Variants in ZFP91 observed in about 807,000 individuals in gnomAD.
ZFP91 encodes ZFP91 zinc finger protein, atypical E3 ubiquitin ligase.
In ZFP91, 7 loss-of-function variants were observed where a neutral mutation model predicts 63.5. The observed-to-expected ratio is 0.11, with a 90% CI of 0.06 to 0.21. The LOEUF is 0.21. Among genes scored for constraint, ZFP91 ranks in the 10% least tolerant of loss-of-function variants. The pLI is 1.00. For missense variants in ZFP91, 628 were observed against 736.6 expected, an observed-to-expected ratio of 0.85 and a Z score of 1.71; for synonymous variants, 330 against 272.1, an observed-to-expected ratio of 1.21 and a Z score of -2.10.
chr11:58,612,718 A>AC, intron 7 of ZFP91, 44 bp from the exon 8 acceptor site: 1 of 900,022 alleles, frequency 1.1e-6, no homozygotes, highest in South Asian at 1.5e-5. Context: ...GCAGAGTACC[A>AC]CTTTTTTTTT....
In ZFP91 at chr11:58,617,859, C is replaced by A; in HGVS notation, c.*153C>A. 1 of 972,834 alleles carries A rather than the reference C, an allele frequency of 1.0e-6. No homozygotes were observed. The allele number at this position is 972,834 out of a possible 1,614,324, so 60.3% of individuals were successfully genotyped here. A position where few individuals can be genotyped will look rare whatever the true frequency, so the allele number is the denominator to read the frequency against. ...ATCACAGCACACACATACATACACC[C>A]TCCACCTCCCCATCCCCTGTTCTCC... On this transcript the variant is annotated 3_prime_UTR_variant, in exon 11 of 11. Transcript: ENST00000316059. The surrounding 1 kb of genome is among the most constrained non-coding windows in gnomAD (Gnocchi z 4.2).
chr11:58,596,167 A>G (rs918233483), intron 2 of ZFP91, among the ~76,000 whole-genome samples: 1 of 152,218 alleles, frequency 6.6e-6, no homozygotes, highest in African/African-American at 2.4e-5. Context: ...TAAAAAAACC[A>G]TAAGGAAGAG....
chr11:58,592,816 GAA>G (rs1184934405), intron 2 of ZFP91, among the ~76,000 whole-genome samples: 2 of 152,122 alleles, frequency 1.3e-5, no homozygotes, highest in African/African-American at 2.4e-5. Flanking sequence ...GATTTGTAAA[GAA>G]AAGAGTTTTT....
intron 8 of ZFP91, 64 bp from the exon 9 acceptor site, chr11:58,614,165 A>G (rs768382265): frequency 4.4e-5 from 46 of 1,055,492 alleles, no homozygotes; most frequent in Non-Finnish European, 5.8e-5. Context: ...GACTTAGCAA[A>G]GACAAGTACT....
intron 2 of ZFP91, among the ~76,000 whole-genome samples, chr11:58,595,066 T>C (rs1855373866): frequency 6.6e-6 from 1 of 152,184 alleles, no homozygotes; most frequent in Non-Finnish European, 1.5e-5. Context: ...AGGTGTGGTA[T>C]AGTAGAAAGA....
intron 1 of ZFP91, 127 bp from the exon 2 acceptor site, chr11:58,584,729 A>G (rs969914415): frequency 1.2e-6 from 1 of 826,736 alleles, no homozygotes; most frequent in African/African-American, 1.8e-5. Context: ...CACTGCTGAA[A>G]ATTCTGTAGG....
chr11:58,585,769 G>T (rs1358498290), intron 2 of ZFP91, among the ~76,000 whole-genome samples: 1 of 152,240 alleles, frequency 6.6e-6, no homozygotes, highest in Non-Finnish European at 1.5e-5. Flanking sequence ...AGGTTTTTCT[G>T]TTCTTGATAA....
chr11:58,584,792 G>A, intron 1 of ZFP91, 64 bp from the exon 2 acceptor site: 1 of 1,395,616 alleles, frequency 7.2e-7, no homozygotes, highest in Admixed American at 2.5e-5. Flanking sequence ...ACCTGAAAGA[G>A]ATATTTATAT....
chr11:58,584,594 A>G (rs922005779), intron 1 of ZFP91, among the ~76,000 whole-genome samples: 1 of 152,150 alleles, frequency 6.6e-6, no homozygotes, highest in Non-Finnish European at 1.5e-5. Context: ...TTATGTAGCC[A>G]CATGTGGCTA....
intron 2 of ZFP91, among the ~76,000 whole-genome samples, chr11:58,606,623 A>G (rs971799778): frequency 2.6e-5 from 4 of 152,070 alleles, no homozygotes; most frequent in Non-Finnish European, 4.4e-5. Flanking sequence ...ATAGTACCCA[A>G]TAGTTTTTCA....
intron 2 of ZFP91, among the ~76,000 whole-genome samples, chr11:58,588,719 C>A: frequency 6.6e-6 from 1 of 151,950 alleles, no homozygotes; most frequent in Non-Finnish European, 1.5e-5. Flanking sequence ...TTATAGTATA[C>A]TTTTTTGTTG....
chr11:58,597,916 A>G (rs1361443109), intron 2 of ZFP91, among the ~76,000 whole-genome samples: 2 of 152,066 alleles, frequency 1.3e-5, no homozygotes, highest in East Asian at 3.9e-4. Flanking sequence ...GGCAACTCTT[A>G]TGGGTCCCGT....
At chr11:58,615,352 T>C (rs905444750) in intron 9 of ZFP91, among the ~76,000 whole-genome samples, 4 of 152,204 alleles carry the variant, frequency 2.6e-5, no homozygotes, top group African/African-American at 9.6e-5. Flanking sequence ...TTCTGCTCCC[T>C]GTTAATACTG....
intron 2 of ZFP91, among the ~76,000 whole-genome samples, chr11:58,600,395 A>T (rs540708356): frequency 1.3e-5 from 2 of 152,122 alleles, no homozygotes; most frequent in Non-Finnish European, 2.9e-5. Context: ...AATGAATGTT[A>T]TATGTTGGTC....
At chr11:58,613,906 A>G (rs1356669505) in intron 8 of ZFP91, among the ~76,000 whole-genome samples, 2 of 152,156 alleles carry the variant, frequency 1.3e-5, no homozygotes, top group African/African-American at 4.8e-5. Flanking sequence ...TTGCTGCTCT[A>G]AAGCACAGTA....
At chr11:58,602,098 T>C (rs1855499976) in intron 2 of ZFP91, among the ~76,000 whole-genome samples, 1 of 152,148 alleles carries the variant, frequency 6.6e-6, no homozygotes, top group Admixed American at 6.5e-5. Context: ...AATTTTTGTA[T>C]TCTTAGTAGA....
chr11:58,587,825 G>T (rs1855236805), intron 2 of ZFP91, among the ~76,000 whole-genome samples: 1 of 151,972 alleles, frequency 6.6e-6, no homozygotes, highest in South Asian at 2.1e-4. Flanking sequence ...AGGAATAATA[G>T]TTAAAACTGC....
At position 58,598,258 on chromosome 11, in the gene ZFP91, T is replaced by C. The variant is rs1385349580; in HGVS notation, c.371-11572T>C. On this transcript the variant is annotated intron_variant, in intron 2 of 10. Transcript: ENST00000316059. ...TTTTAACTTTTTATATTTGTGTATA[T>C]TTTACAGTAATGTCATCAAATAGAG... Among the ~76,000 whole-genome samples the C allele has an allele frequency of 2.0e-5, 3 of 152,260 alleles. No homozygotes were observed. In the East Asian group the frequency reaches 5.8e-4, roughly 29 times the overall value.
intron 1 of ZFP91, among the ~76,000 whole-genome samples, chr11:58,580,875 AGACTTC>A (rs901434856): frequency 6.6e-5 from 10 of 152,274 alleles, no homozygotes; most frequent in African/African-American, 2.4e-4. Flanking sequence ...AGCTGCAATT[AGACTTC>A]TAATTGCTGT....
Sources: allele counts gnomAD v4.1 joint callset (sites outside exome capture counted in the v4.1 genomes callset), GRCh38; gene constraint gnomAD v4.1.1; non-coding constraint Gnocchi (gnomAD v3.1); transcripts MANE v1.5; gene names NCBI Gene and HGNC (gene_info 2026-07-23, HGNC 2026-07-21).